Variants in PARD3B observed in about 807,000 individuals in gnomAD.
PARD3B encodes the protein partitioning defective 3 homolog B.
In PARD3B, 103 loss-of-function variants were observed where a neutral mutation model predicts 130.2. The observed-to-expected ratio is 0.79, with a 90% CI of 0.67 to 0.93. PARD3B has a LOEUF of 0.93. Among genes scored for constraint, PARD3B ranks in the 40% least tolerant of loss-of-function variants. The pLI is 0.00. For synonymous variants in PARD3B, 583 were observed against 553.2 expected (o/e 1.05, Z -0.76); for missense variants, 1,609 against 1,499.2 (o/e 1.07, Z -1.21).
At position 205,547,277 on chromosome 2, in the gene PARD3B, G is replaced by A. The variant is rs80199681; in HGVS notation, c.3181-6047G>A. Among the ~76,000 whole-genome samples, 1,233 of 152,232 alleles carry A rather than the reference G, an allele frequency of 8.1e-3. 23 individuals carry two copies. The highest frequency in any genetic ancestry group is 0.028 in the African/African-American group (1,172 of 41,542). On this transcript the variant is annotated intron_variant, in intron 21 of 22. Transcript: ENST00000406610. ...AACTAGAAAGGTTTTCAGCACCAGA[G>A]AGTCTGGCTTTCTCTCCCCATCAAT...
At position 205,125,685 on chromosome 2, in the gene PARD3B, C is replaced by G. The variant is rs375783598; in HGVS notation, c.1382C>G (p.Thr461Arg). ...CTCAGGAGCACCAAGCAGGGGGAGA[C>G]AGCATCGCTGGTCATTGCCCGCCAA... is the stretch of plus-strand genomic sequence containing the variant. ...AMLRSTKQGE[T>R]ASLVIARQEG... The change falls in exon 10 of 23, where the codon ACA (threonine) becomes AGA (arginine). Residue 461 changes from threonine (T) to arginine (R), a missense_variant. Transcript: ENST00000406610. The surrounding 1 kb of genome is among the most constrained non-coding windows in gnomAD (Gnocchi z 4.0). 9.3e-6 allele frequency: 15 copies of G among 1,613,994 alleles called. No homozygotes were observed. The Admixed American group carries it at 1.0e-4, about 11-fold the overall frequency.
intron 1 of PARD3B, among the ~76,000 whole-genome samples, chr2:204,552,035 A>G (rs2030502004): frequency 6.6e-6 from 1 of 152,206 alleles, no homozygotes; most frequent in African/African-American, 2.4e-5. Flanking sequence ...GAGGAACTGA[A>G]TTTTAAATTT....
rs1409353646 is a variant in PARD3B, at chr2:205,265,666, A to G, written c.2185+19844A>G. ...AAGGAAAAACAATATTTTATAGGAA[A>G]ACATTAGTAACAAGAGAGATATCTT... On this transcript the variant is annotated intron_variant, in intron 16 of 22. Coordinates refer to ENST00000406610, the MANE Select transcript of PARD3B (RefSeq NM_001302769.2). This position sits in a 1 kb window ranked among gnomAD's most constrained non-coding sequence, Gnocchi z 4.3. Among the ~76,000 whole-genome samples, 1 of 152,042 alleles carries G rather than the reference A, an allele frequency of 6.6e-6. No individual in the cohort carries two copies. Among genetic ancestry groups the G allele is most frequent in the Non-Finnish European group, 1.5e-5 (1 of 67,940 alleles).
At chr2:205,260,864 T>C (rs540449935) in intron 16 of PARD3B, among the ~76,000 whole-genome samples, 5 of 151,990 alleles carry the variant, frequency 3.3e-5, no homozygotes, top group African/African-American at 1.2e-4. Context: ...TCTACTAAAG[T>C]TGTAGGCCCC....
Position 205,047,693 on chromosome 2 carries a change from A to G in PARD3B, c.504+3A>G. On this transcript the variant is annotated splice_donor_region_variant and intron_variant, in intron 4 of 22. Coordinates refer to ENST00000406610, the MANE Select transcript of PARD3B (RefSeq NM_001302769.2). ...AGAGTCTGAAACTGGTTGTTCCAGT[A>G]GGTATCCTGCTGCTTGTAGTTCTAA... is the stretch of plus-strand genomic sequence containing the variant. 10 of 1,522,804 alleles carry G rather than the reference A, an allele frequency of 6.6e-6. No individual in the cohort carries two copies. The highest frequency in any genetic ancestry group is 8.9e-6 in the Non-Finnish European group (10 of 1,121,272). The allele number at this position is 1,522,804 out of a possible 1,614,324, so 94.3% of individuals were successfully genotyped here.
At chr2:204,569,506 G>T (rs554412243) in intron 1 of PARD3B, among the ~76,000 whole-genome samples, 11 of 152,318 alleles carry the variant, frequency 7.2e-5, no homozygotes, top group African/African-American at 2.6e-4. Context: ...TGGGGAATGT[G>T]ACTGTGAATC....
At chr2:204,796,491 C>G (rs902557694) in intron 2 of PARD3B, among the ~76,000 whole-genome samples, 4 of 152,210 alleles carry the variant, frequency 2.6e-5, no homozygotes, top group East Asian at 3.9e-4. Context: ...CAAAGCCTAA[C>G]AAGCTCAGTG....
chr2:205,471,769 T>C (rs73055953), intron 20 of PARD3B, among the ~76,000 whole-genome samples: 5,805 of 152,312 alleles, frequency 0.038, 339 homozygotes, highest in African/African-American at 0.12. Flanking sequence ...ACCTATTGTC[T>C]GTTTACATGC....
At chr2:204,864,977 C>T (rs2045350947) in intron 2 of PARD3B, among the ~76,000 whole-genome samples, 1 of 152,136 alleles carries the variant, frequency 6.6e-6, no homozygotes, top group African/African-American at 2.4e-5. Flanking sequence ...TTTGAATAGA[C>T]AGTTCTTAAA....
At chr2:204,926,129 A>G (rs1488069522) in intron 2 of PARD3B, among the ~76,000 whole-genome samples, 9 of 152,078 alleles carry the variant, frequency 5.9e-5, no homozygotes, top group Admixed American at 5.9e-4. Context: ...ATGCGTATCT[A>G]GCAACTTTGG....
At chr2:205,611,396 T>G (rs1487287792) in intron 22 of PARD3B, among the ~76,000 whole-genome samples, 1 of 152,198 alleles carries the variant, frequency 6.6e-6, no homozygotes, top group Non-Finnish European at 1.5e-5. Flanking sequence ...CTGACCAGCT[T>G]AGTCTCTGAT....
intron 1 of PARD3B, among the ~76,000 whole-genome samples, chr2:204,632,505 CT>C (rs2034715946): frequency 6.6e-6 from 1 of 151,834 alleles, no homozygotes; most frequent in Non-Finnish European, 1.5e-5. Context: ...TTGTTGTTTG[CT>C]TTTTTTTCTT....
At position 204,676,816 on chromosome 2, in the gene PARD3B, C is replaced by T. The variant is rs565630784; in HGVS notation, c.121-9365C>T. ...TCCTGAGTAGCTGGGATTACAGGCACGTGCCACCACGCCCAGCTAATTTTT... is the reference window on the plus strand; with the variant it reads ...TCCTGAGTAGCTGGGATTACAGGCATGTGCCACCACGCCCAGCTAATTTTT... On this transcript the variant is annotated intron_variant, in intron 1 of 22. Transcript: ENST00000406610. Among the ~76,000 whole-genome samples, 17 of 151,884 alleles carry T rather than the reference C, an allele frequency of 1.1e-4. No homozygotes were observed. The East Asian group carries it at 2.3e-3, about 21-fold the overall frequency.
chr2:205,505,136 A>G (rs571377613), intron 21 of PARD3B, among the ~76,000 whole-genome samples: 8 of 152,114 alleles, frequency 5.3e-5, no homozygotes, highest in Admixed American at 5.2e-4. Context: ...AAACTATCGC[A>G]AGGACAGAAA....
At chr2:204,786,567 G>A (rs2042017193) in intron 2 of PARD3B, among the ~76,000 whole-genome samples, 2 of 151,776 alleles carry the variant, frequency 1.3e-5, no homozygotes, top group Admixed American at 1.3e-4. Flanking sequence ...TTCCTGCACT[G>A]CAGGATTACC....
intron 20 of PARD3B, among the ~76,000 whole-genome samples, chr2:205,457,212 G>A (rs190548949): frequency 1.6e-4 from 25 of 151,886 alleles, no homozygotes; most frequent in Non-Finnish European, 2.9e-4. Flanking sequence ...ATGAGTTGTG[G>A]GAGTGTTTAC....
chr2:205,424,478 A>G (rs2047076314), intron 19 of PARD3B, among the ~76,000 whole-genome samples: 1 of 152,170 alleles, frequency 6.6e-6, no homozygotes, highest in Non-Finnish European at 1.5e-5. Flanking sequence ...CAAAGGAAAT[A>G]GAGCAGCACA....
rs2036395043 is a variant in PARD3B, at chr2:204,673,348, T to C, written c.121-12833T>C. On this transcript the variant is annotated intron_variant, in intron 1 of 22. Coordinates refer to ENST00000406610, the MANE Select transcript of PARD3B (RefSeq NM_001302769.2). This position sits in a 1 kb window ranked among gnomAD's most constrained non-coding sequence, Gnocchi z 4.7. The stretch of plus-strand genomic sequence containing the variant: ...AAAAGTAGTAGAATTTTATTTCATT[T>C]TGTAGAGTGGAATAAAAAATTTACT... 6.6e-6 allele frequency among the ~76,000 whole-genome samples: 1 copy of C among 152,238 alleles called. No individual in the cohort carries two copies. Among genetic ancestry groups the C allele is most frequent in the Admixed American group, 6.5e-5 (1 of 15,284 alleles).
At chr2:204,657,042 C>A (rs2035661040) in intron 1 of PARD3B, among the ~76,000 whole-genome samples, 1 of 152,102 alleles carries the variant, frequency 6.6e-6, no homozygotes, top group South Asian at 2.1e-4. Flanking sequence ...TTCTTGGGGA[C>A]CTGGGTCAAG....
Sources: allele counts gnomAD v4.1 joint callset (sites outside exome capture counted in the v4.1 genomes callset), GRCh38; gene constraint gnomAD v4.1.1; non-coding constraint Gnocchi (gnomAD v3.1); transcripts MANE v1.5; gene names NCBI Gene and HGNC (gene_info 2026-07-23, HGNC 2026-07-21).